SLC25A21: variants seen among roughly 807,000 people sequenced by gnomAD.
SLC25A21 encodes the protein solute carrier family 25 member 21.
In SLC25A21, 47 loss-of-function variants were observed where a neutral mutation model predicts 43.8. The observed-to-expected ratio is 1.07, with a 90% CI of 0.85 to 1.37. The LOEUF is 1.37. Among genes scored for constraint, SLC25A21 ranks in the 40% most tolerant of loss-of-function variants. The pLI is 0.00. For synonymous variants in SLC25A21, 131 were observed against 121.3 expected (o/e 1.08, Z -0.52); for missense variants, 352 against 350.2 (o/e 1.00, Z -0.04).
intron 2 of SLC25A21, among the ~76,000 whole-genome samples, chr14:36,844,205 C>T (rs892597506): frequency 6.6e-6 from 1 of 152,182 alleles, no homozygotes; most frequent in Non-Finnish European, 1.5e-5. Flanking sequence ...CAGCATTAAT[C>T]AGGTTAGTAA....
intron 3 of SLC25A21, among the ~76,000 whole-genome samples, chr14:36,811,668 G>A (rs1288167260): frequency 6.6e-6 from 1 of 151,846 alleles, no homozygotes; most frequent in Non-Finnish European, 1.5e-5. Flanking sequence ...AACCCCCAAA[G>A]CAAAACAAAA....
At chr14:36,788,881 T>G (rs1440860455) in intron 3 of SLC25A21, 2 of 152,208 alleles carry the variant, frequency 1.3e-5, no homozygotes, top group East Asian at 3.9e-4. Context: ...AAAGATCAGT[T>G]TTCCAACTGT....
intron 1 of SLC25A21, among the ~76,000 whole-genome samples, chr14:36,884,843 T>G (rs1167977865): frequency 1.3e-5 from 2 of 152,160 alleles, no homozygotes; most frequent in East Asian, 3.8e-4. Flanking sequence ...TTCCTATTAT[T>G]TGAGTTCCTT....
At chr14:36,784,123 C>T (rs925131354) in intron 3 of SLC25A21, among the ~76,000 whole-genome samples, 25 of 152,154 alleles carry the variant, frequency 1.6e-4, no homozygotes, top group African/African-American at 5.8e-4. Flanking sequence ...TAGTTCTAAG[C>T]AAAGGAGCAC....
chr14:36,732,418 C>G (rs1437585762), intron 4 of SLC25A21, among the ~76,000 whole-genome samples: 1 of 152,088 alleles, frequency 6.6e-6, no homozygotes, highest in Non-Finnish European at 1.5e-5. Flanking sequence ...TGCCGCCCAT[C>G]TGTGAGGGAT....
intron 3 of SLC25A21, among the ~76,000 whole-genome samples, chr14:36,735,315 T>C (rs1206009832): frequency 6.6e-6 from 1 of 152,244 alleles, no homozygotes; most frequent in Non-Finnish European, 1.5e-5. Context: ...AAGTCACCAT[T>C]TATTTCTTAT....
At chr14:37,146,976 A>G (rs1963677047) in intron 1 of SLC25A21, among the ~76,000 whole-genome samples, 1 of 152,142 alleles carries the variant, frequency 6.6e-6, no homozygotes, top group Admixed American at 6.5e-5. Flanking sequence ...ATGCCTCCTA[A>G]TTCCCAACTC....
chr14:37,081,836 A>G (rs8008478), intron 1 of SLC25A21, among the ~76,000 whole-genome samples: 25,070 of 152,192 alleles, frequency 0.16, 5,899 homozygotes, highest in African/African-American at 0.52. Flanking sequence ...GCTCAGCGAG[A>G]ATTGTTATAT....
intron 1 of SLC25A21, among the ~76,000 whole-genome samples, chr14:36,992,156 AATCT>A (rs1339010711): frequency 3.9e-5 from 6 of 152,222 alleles, no homozygotes; most frequent in African/African-American, 1.4e-4. Flanking sequence ...CATCCCTGAG[AATCT>A]ATCTGTGGGT....
At chr14:36,776,475 T>C (rs1357903688) in intron 3 of SLC25A21, among the ~76,000 whole-genome samples, 1 of 151,830 alleles carries the variant, frequency 6.6e-6, no homozygotes, top group African/African-American at 2.4e-5. Flanking sequence ...CCTGAGCTCG[T>C]GATCCACCCG....
chr14:37,134,096 A>AT (rs1566904920), intron 1 of SLC25A21, among the ~76,000 whole-genome samples: 1 of 152,188 alleles, frequency 6.6e-6, no homozygotes, highest in Non-Finnish European at 1.5e-5. Flanking sequence ...GCTATAAACT[A>AT]TGAAAATAAT....
At chr14:36,883,820 T>A (rs1429838) in intron 1 of SLC25A21, among the ~76,000 whole-genome samples, 77,336 of 151,890 alleles carry the variant, frequency 0.51, 22,613 homozygotes, top group Non-Finnish European at 0.65. Context: ...CTTATTTTTT[T>A]AAAAAATTAT....
At chr14:37,047,779 C>G (rs1316978778) in intron 1 of SLC25A21, among the ~76,000 whole-genome samples, 1 of 152,072 alleles carries the variant, frequency 6.6e-6, no homozygotes, top group Non-Finnish European at 1.5e-5. Flanking sequence ...GAAAACAAAA[C>G]CTTTCTTGAA....
At chr14:36,780,678 T>C (rs557556662) in intron 3 of SLC25A21, among the ~76,000 whole-genome samples, 12 of 152,242 alleles carry the variant, frequency 7.9e-5, no homozygotes, top group East Asian at 1.9e-4. Flanking sequence ...ACCACTGTGG[T>C]TGGAAAAGAT....
chr14:36,742,415 A>T (rs1056040304), intron 3 of SLC25A21, among the ~76,000 whole-genome samples: 2 of 152,144 alleles, frequency 1.3e-5, no homozygotes, highest in Non-Finnish European at 2.9e-5. Flanking sequence ...TACACACTAC[A>T]CACTACACCT....
intron 1 of SLC25A21, among the ~76,000 whole-genome samples, chr14:37,012,522 A>C (rs1960755745): frequency 6.6e-6 from 1 of 152,210 alleles, no homozygotes; most frequent in Non-Finnish European, 1.5e-5. Flanking sequence ...GTAGGAAATA[A>C]ATCTCAATTA....
chr14:36,758,660 C>G lies in SLC25A21; in HGVS notation c.204-24087G>C, dbSNP rs545097976. ...TCATCAACTTGGTTTTAGTTAACCC[C>G]AATGGGAGGAAGCAGCAATGATTCC... On this transcript the variant is annotated intron_variant, in intron 3 of 9. Transcript: ENST00000331299. Among the ~76,000 whole-genome samples, 4 of 151,638 alleles carry G rather than the reference C, an allele frequency of 2.6e-5. No homozygotes were observed. In the South Asian group the frequency reaches 6.3e-4, roughly 24 times the overall value.
At chr14:36,711,517 C>G in intron 6 of SLC25A21, 35 bp from the exon 7 acceptor site, 1 of 1,601,726 alleles carries the variant, frequency 6.2e-7, no homozygotes, top group Non-Finnish European at 8.5e-7. Context: ...GAATGATCAT[C>G]TTTGGGACTG....
intron 1 of SLC25A21, among the ~76,000 whole-genome samples, chr14:37,034,140 C>T (rs549601311): frequency 6.6e-6 from 1 of 152,200 alleles, no homozygotes; most frequent in African/African-American, 2.4e-5. Context: ...CCTCAGCTTC[C>T]TGAGTAGCTG....
Sources: allele counts gnomAD v4.1 joint callset (sites outside exome capture counted in the v4.1 genomes callset), GRCh38; gene constraint gnomAD v4.1.1; transcripts MANE v1.5; gene names NCBI Gene and HGNC (gene_info 2026-07-23, HGNC 2026-07-21).